Variants in USH2A observed in about 807,000 individuals in gnomAD.
USH2A encodes Usher syndrome 2A (autosomal recessive, mild).
Under a neutral mutation model 538.9 loss-of-function variants are expected in USH2A, and 443 were observed. That is an observed-to-expected ratio of 0.82 (90% CI 0.76 to 0.89). The LOEUF (loss-of-function observed/expected upper bound fraction) is 0.89, where lower values mean the gene tolerates loss of function less well. Among genes scored for constraint, USH2A ranks in the 40% least tolerant of loss-of-function variants. USH2A has a pLI of 0.00. For missense variants in USH2A, 6,633 were observed against 6,324.8 expected, an observed-to-expected ratio of 1.05 and a Z score of -1.65; for synonymous variants, 2,413 against 2,273.5, an observed-to-expected ratio of 1.06 and a Z score of -1.75.
At chr1:215,941,690 A>G (rs1163178195) in intron 37 of USH2A, among the ~76,000 whole-genome samples, 1 of 152,162 alleles carries the variant, frequency 6.6e-6, no homozygotes, top group African/African-American at 2.4e-5. Context: ...AGGATCAGAC[A>G]AGTAATTTGA....
At chr1:216,170,207 G>T (rs189595548) in intron 21 of USH2A, among the ~76,000 whole-genome samples, 2 of 152,070 alleles carry the variant, frequency 1.3e-5, no homozygotes, top group East Asian at 3.9e-4. Flanking sequence ...TGGAGTAAAA[G>T]AAATAAAGAA....
chr1:215,784,518 T>A (rs576884281), intron 52 of USH2A, among the ~76,000 whole-genome samples: 46 of 152,318 alleles, frequency 3.0e-4, no homozygotes, highest in Middle Eastern at 3.4e-3. Context: ...TTATTGTTTG[T>A]CATCATAGCT....
intron 55 of USH2A, among the ~76,000 whole-genome samples, chr1:215,778,313 A>G (rs1253890587): frequency 2.6e-5 from 4 of 152,132 alleles, no homozygotes; most frequent in Non-Finnish European, 5.9e-5. Flanking sequence ...CGGCGTCCCA[A>G]AGTGCTGAGA....
At chr1:215,759,531 TTGAATGGCCAA>T in intron 57 of USH2A, 118 bp downstream of exon 57, 8 of 1,123,610 alleles carry the variant, frequency 7.1e-6, no homozygotes, top group Non-Finnish European at 1.0e-5. Flanking sequence ...TCATCAGTTA[TTGAATGGCCAA>T]TGAATGAGGA....
chr1:216,084,267 T>C (rs2032048427), intron 25 of USH2A, among the ~76,000 whole-genome samples: 1 of 152,024 alleles, frequency 6.6e-6, no homozygotes, highest in South Asian at 2.1e-4. Flanking sequence ...ACTTAACCCA[T>C]TACCTAGCCG....
At chr1:215,739,059 A>T (rs956923360) in intron 60 of USH2A, among the ~76,000 whole-genome samples, 5 of 152,206 alleles carry the variant, frequency 3.3e-5, no homozygotes, top group African/African-American at 1.2e-4. Context: ...ATGCCTATGT[A>T]GGTGAATATA....
At chr1:216,225,746 A>T (rs544937874) in intron 14 of USH2A, among the ~76,000 whole-genome samples, 73 of 152,238 alleles carry the variant, frequency 4.8e-4, no homozygotes, top group African/African-American at 1.7e-3. Context: ...CGTCTTTTTC[A>T]CCAAGATGAT....
In USH2A at chr1:216,095,185, C is replaced by T. The variant is rs189692570; in HGVS notation, c.4758+1898G>A. Among the ~76,000 whole-genome samples the T allele has an allele frequency of 6.4e-4, 96 of 151,178 alleles. No individual in the cohort carries two copies. In the East Asian group the frequency reaches 0.012, roughly 19 times the overall value. On this transcript the variant is annotated intron_variant, in intron 22 of 71. Transcript: ENST00000307340. ...TTTTGTTTCATCATTTTATGTTATC[C>T]CTCTTTTTCTTGAGCATGTGCTTTT... is the stretch of plus-strand genomic sequence containing the variant.
At chr1:216,310,981 C>T (rs565168441) in intron 9 of USH2A, among the ~76,000 whole-genome samples, 1 of 152,320 alleles carries the variant, frequency 6.6e-6, no homozygotes, top group Non-Finnish European at 1.5e-5. Context: ...GCCTTGGCTT[C>T]AGTAAACAAT....
intron 2 of USH2A, among the ~76,000 whole-genome samples, chr1:216,418,974 A>C (rs1290731815): frequency 6.6e-6 from 1 of 152,154 alleles, no homozygotes; most frequent in Non-Finnish European, 1.5e-5. Flanking sequence ...TGCAAAACTA[A>C]CATTTAGGTT....
chr1:216,104,222 C>A (rs989717085), intron 21 of USH2A, among the ~76,000 whole-genome samples: 1 of 151,860 alleles, frequency 6.6e-6, no homozygotes, highest in African/African-American at 2.4e-5. Flanking sequence ...CCTCCTCCCC[C>A]CACCCCACAA....
intron 19 of USH2A, 81 bp downstream of exon 19, chr1:216,196,472 A>T: frequency 6.5e-7 from 1 of 1,526,960 alleles, no homozygotes; most frequent in Non-Finnish European, 9.1e-7. Flanking sequence ...GAATTCTGTC[A>T]CAGAATTCTG....
intron 41 of USH2A, among the ~76,000 whole-genome samples, chr1:215,882,342 C>T (rs781645191): frequency 9.2e-5 from 14 of 152,088 alleles, no homozygotes; most frequent in East Asian, 3.9e-4. Context: ...TATTTGACTC[C>T]GTACAGTGTA....
chr1:216,090,219 AATAG>A (rs2032263667), intron 22 of USH2A, among the ~76,000 whole-genome samples: 1 of 151,990 alleles, frequency 6.6e-6, no homozygotes. Flanking sequence ...AAAAAGAGAA[AATAG>A]ATAATTGTTT....
chr1:215,813,706 T>G (rs754919187), intron 49 of USH2A, 30 bp downstream of exon 49: 40 of 1,613,182 alleles, frequency 2.5e-5, no homozygotes, highest in Non-Finnish European at 3.2e-5. Context: ...GTTCCCATAG[T>G]TTTTGAGTAC....
intron 58 of USH2A, among the ~76,000 whole-genome samples, chr1:215,756,769 C>T (rs1660807915): frequency 6.6e-6 from 1 of 151,820 alleles, no homozygotes; most frequent in African/African-American, 2.4e-5. Context: ...ACTAAAAATA[C>T]AAAAATTAGC....
chr1:215,881,578 C>A (rs12021707), intron 41 of USH2A, among the ~76,000 whole-genome samples: 44,925 of 152,034 alleles, frequency 0.3, 6,990 homozygotes, highest in Admixed American at 0.42. Context: ...TTCCTATGAC[C>A]TTTTGTATAT....
At chr1:215,678,676 C>T (rs1658116032) in intron 62 of USH2A, among the ~76,000 whole-genome samples, 1 of 152,058 alleles carries the variant, frequency 6.6e-6, no homozygotes, top group South Asian at 2.1e-4. Context: ...TTTCTGTACC[C>T]CCACCATTCA....
chr1:216,237,105 T>A (rs1157489007), intron 13 of USH2A, among the ~76,000 whole-genome samples: 1 of 152,194 alleles, frequency 6.6e-6, no homozygotes, highest in East Asian at 1.9e-4. Flanking sequence ...GCCTGTCTCC[T>A]GTGCCATTCC....
Sources: allele counts gnomAD v4.1 joint callset (sites outside exome capture counted in the v4.1 genomes callset), GRCh38; gene constraint gnomAD v4.1.1; transcripts MANE v1.5; gene names NCBI Gene and HGNC (gene_info 2026-07-23, HGNC 2026-07-21).